The following KCNIP4 variants were observed in gnomAD, a reference collection of about 807,000 sequenced individuals.
KCNIP4 encodes the protein Kv channel-interacting protein 4.
KCNIP4 carries 12 observed loss-of-function variants against 34.0 expected under a neutral mutation model. That is an observed-to-expected ratio of 0.35 (90% confidence interval 0.23 to 0.57). The LOEUF (loss-of-function observed/expected upper bound fraction) is 0.57. Ranked by LOEUF, KCNIP4 falls within the 20% of genes least tolerant of loss-of-function variation. The probability of loss-of-function intolerance (pLI) is 0.83; values close to 1 mark genes in which losing one functional copy is unlikely to be tolerated. For synonymous variants in KCNIP4, 124 were observed against 102.2 expected (o/e 1.21, Z -1.29); for missense variants, 238 against 311.7 (o/e 0.76, Z 1.78).
At chr4:20,873,023 C>T (rs1382887197) in intron 2 of KCNIP4, among the ~76,000 whole-genome samples, 1 of 152,190 alleles carries the variant, frequency 6.6e-6, no homozygotes, top group Non-Finnish European at 1.5e-5. Context: ...GGAGTCACTT[C>T]ATCTCTTTCC....
intron 1 of KCNIP4, among the ~76,000 whole-genome samples, chr4:21,616,388 C>T (rs1280011101): frequency 6.6e-6 from 1 of 152,142 alleles, no homozygotes; most frequent in African/African-American, 2.4e-5. Flanking sequence ...CTGCTCTTCC[C>T]TCTTGAGAAT....
At position 20,917,269 on chromosome 4, in the gene KCNIP4, C is replaced by T. The variant is rs536668356; in HGVS notation, c.62-34560G>A. ...GTCAGGATAGTCCTGAACTTGTTAT[C>T]CACCTACCTCGGCCTCCCAAAGTGC... On this transcript the variant is annotated intron_variant, in intron 1 of 8. Coordinates refer to ENST00000382152, the MANE Select transcript of KCNIP4 (RefSeq NM_025221.6). Among the ~76,000 whole-genome samples the T allele has an allele frequency of 1.0e-3, 152 of 151,766 alleles. 1 individual carries two copies. Among genetic ancestry groups the T allele is most frequent in the African/African-American group, 3.6e-3 (147 of 41,402 alleles).
rs945362152 is a variant in KCNIP4, at chr4:21,109,645, C to T, written c.62-226936G>A. Among the ~76,000 whole-genome samples, 200 of 151,558 alleles carry T rather than the reference C, an allele frequency of 1.3e-3. 2 individuals carry two copies. The highest frequency in any genetic ancestry group is 1.1e-3 in the Non-Finnish European group (73 of 67,882). On this transcript the variant is annotated intron_variant, in intron 1 of 8. Transcript: ENST00000382152. Reference sequence around the variant, plus strand: ...CACTGTCTGGCACTCCCTAGTGAGACGAACCTGGTACCTCAGATGGAAATG... The same window carrying T: ...CACTGTCTGGCACTCCCTAGTGAGATGAACCTGGTACCTCAGATGGAAATG...
At chr4:21,910,226 A>G (rs1349640091) in intron 1 of KCNIP4, among the ~76,000 whole-genome samples, 1 of 152,168 alleles carries the variant, frequency 6.6e-6, no homozygotes, top group Non-Finnish European at 1.5e-5. Flanking sequence ...TCTTCCAGCC[A>G]GCAGGACAGC....
intron 1 of KCNIP4, among the ~76,000 whole-genome samples, chr4:21,876,272 T>C (rs1726104984): frequency 6.6e-6 from 1 of 152,254 alleles, no homozygotes; most frequent in Non-Finnish European, 1.5e-5. Context: ...ATTATGATTC[T>C]ATCTATGATT....
At chr4:21,050,497 C>T (rs1160710663) in intron 1 of KCNIP4, among the ~76,000 whole-genome samples, 3 of 152,068 alleles carry the variant, frequency 2.0e-5, no homozygotes, top group East Asian at 3.9e-4. Context: ...TAGTTAAAGA[C>T]CAAAATTTTA....
chr4:21,723,395 T>C (rs941526318), intron 1 of KCNIP4, among the ~76,000 whole-genome samples: 2 of 152,146 alleles, frequency 1.3e-5, no homozygotes, highest in African/African-American at 2.4e-5. Context: ...TCACTTCTGA[T>C]GAGCTTTTAA....
At chr4:21,878,782 C>A (rs1726288116) in intron 1 of KCNIP4, among the ~76,000 whole-genome samples, 1 of 152,148 alleles carries the variant, frequency 6.6e-6, no homozygotes, top group Non-Finnish European at 1.5e-5. Context: ...GCTACATGTA[C>A]TTCCCACACC....
chr4:20,731,903 A>G, intron 8 of KCNIP4, 103 bp downstream of exon 8: 5 of 1,522,346 alleles, frequency 3.3e-6, no homozygotes, highest in Non-Finnish European at 3.5e-6. Flanking sequence ...AAACTTAGGC[A>G]TATGATCTCT....
chr4:20,732,138 G>A (rs1226723603), intron 7 of KCNIP4, 70 bp from the exon 8 acceptor site: 2 of 1,037,154 alleles, frequency 1.9e-6, no homozygotes, highest in Non-Finnish European at 2.9e-6. Flanking sequence ...GACCAAATGA[G>A]CTGAAGCTGA....
At chr4:21,838,730 T>C (rs1481868247) in intron 1 of KCNIP4, among the ~76,000 whole-genome samples, 1 of 152,192 alleles carries the variant, frequency 6.6e-6, no homozygotes, top group African/African-American at 2.4e-5. Flanking sequence ...TTTGTATCTA[T>C]AGGGAGGTAC....
chr4:21,055,182 G>A (rs2108957780), intron 1 of KCNIP4, among the ~76,000 whole-genome samples: 1 of 152,240 alleles, frequency 6.6e-6, no homozygotes, highest in Non-Finnish European at 1.5e-5. Flanking sequence ...CCCATCATAT[G>A]TAATTACAGG....
intron 1 of KCNIP4, among the ~76,000 whole-genome samples, chr4:21,172,410 A>G (rs542777057): frequency 2.1e-4 from 32 of 152,356 alleles, no homozygotes; most frequent in African/African-American, 7.0e-4. Context: ...CTTATTTTAC[A>G]GAGAAAAATA....
chr4:21,927,749 C>A (rs1729340966), intron 1 of KCNIP4, among the ~76,000 whole-genome samples: 1 of 152,108 alleles, frequency 6.6e-6, no homozygotes, highest in Admixed American at 6.6e-5. Flanking sequence ...GTCTTCTACA[C>A]AAATTTGAGA....
intron 3 of KCNIP4, among the ~76,000 whole-genome samples, chr4:20,763,752 G>T (rs1275933127): frequency 6.6e-6 from 1 of 152,078 alleles, no homozygotes; most frequent in Non-Finnish European, 1.5e-5. Flanking sequence ...GTAAAGATGG[G>T]ATCTCACTAT....
chr4:21,070,492 T>A (rs1744794528), intron 1 of KCNIP4, among the ~76,000 whole-genome samples: 1 of 151,924 alleles, frequency 6.6e-6, no homozygotes, highest in South Asian at 2.1e-4. Context: ...CTAATAGGTA[T>A]GTAGTGATAT....
intron 1 of KCNIP4, among the ~76,000 whole-genome samples, chr4:21,646,504 A>G (rs961037959): frequency 6.6e-6 from 1 of 152,238 alleles, no homozygotes; most frequent in African/African-American, 2.4e-5. Flanking sequence ...GAATCGCTAT[A>G]GAATAGCGCT....
chr4:21,766,808 C>T (rs1033029070), intron 1 of KCNIP4, among the ~76,000 whole-genome samples: 1 of 152,064 alleles, frequency 6.6e-6, no homozygotes, highest in Non-Finnish European at 1.5e-5. Context: ...GACTGAGAGT[C>T]AGAAAGTGTG....
In KCNIP4 at chr4:21,069,416, T is replaced by C. The variant is rs548555698; in HGVS notation, c.62-186707A>G. Among the ~76,000 whole-genome samples the C allele has an allele frequency of 7.2e-5, 11 of 152,310 alleles. No homozygotes were observed. In the South Asian group the frequency reaches 2.3e-3, roughly 32 times the overall value. On this transcript the variant is annotated intron_variant, in intron 1 of 8. Coordinates refer to ENST00000382152, the MANE Select transcript of KCNIP4 (RefSeq NM_025221.6). ...ATTGATTAAATGTCACCTTGGATATTTGAAACCAGGACTTCAATCTAAAAA... is the reference window on the plus strand; with the variant it reads ...ATTGATTAAATGTCACCTTGGATATCTGAAACCAGGACTTCAATCTAAAAA...
Sources: gnomAD v4.1 joint callset for allele counts (sites outside exome capture counted in the v4.1 genomes callset) on GRCh38, gnomAD v4.1.1 for gene constraint, MANE v1.5 for transcripts, NCBI Gene and HGNC (gene_info 2026-07-23, HGNC 2026-07-21) for gene names.